The following EAF2 variants were observed in gnomAD, a reference collection of about 807,000 sequenced individuals.
EAF2 encodes ELL associated factor 2, also known as ELL-associated factor 2.
Under a neutral mutation model 29.4 loss-of-function variants are expected in EAF2, and 29 were observed. The ratio of observed to expected loss-of-function variants is 0.99; its 90% confidence interval spans 0.73 to 1.35. EAF2 has a LOEUF of 1.35. EAF2 is among the 40% of genes most tolerant of loss of function. The probability of loss-of-function intolerance (pLI) is 0.00; values close to 1 mark genes in which losing one functional copy is unlikely to be tolerated. For missense variants in EAF2, 292 were observed against 312.0 expected (o/e 0.94, Z 0.48); for synonymous variants, 103 against 102.5 (o/e 1.00, Z -0.03).
intron 5 of EAF2, among the ~76,000 whole-genome samples, chr3:121,880,455 GGTGTGTGTGTGTGTGTGTGTGT>G (rs58834177): frequency 4.9e-5 from 7 of 142,962 alleles, no homozygotes; most frequent in African/African-American, 8.0e-5. Context: ...AGTGTTTTGG[GGTGTGTGTGTGTGTGTGTGTGT>G]GTGTGTGTGT....
Position 121,882,871 on chromosome 3 carries a change from T to A in EAF2, c.737-3471T>A, listed in dbSNP as rs1179968930. ...GTTTCCTAATGAAATAAACCATCTCTGACCATTACTGCAATCATCCCATTG... is the reference window on the plus strand; with the variant it reads ...GTTTCCTAATGAAATAAACCATCTCAGACCATTACTGCAATCATCCCATTG... On this transcript the variant is annotated intron_variant, in intron 5 of 5. Transcript: ENST00000273668. Among the ~76,000 whole-genome samples the A allele has an allele frequency of 2.0e-5, 3 of 151,782 alleles. No individual in the cohort carries two copies. The East Asian group carries it at 5.8e-4, about 29-fold the overall frequency.
At chr3:121,862,709 C>T (rs866722064) in intron 4 of EAF2, among the ~76,000 whole-genome samples, 1 of 152,200 alleles carries the variant, frequency 6.6e-6, no homozygotes, top group African/African-American at 2.4e-5. Flanking sequence ...CAGCTTTATT[C>T]CATTGCTGGC....
intron 4 of EAF2, among the ~76,000 whole-genome samples, chr3:121,858,552 A>G (rs1268525590): frequency 3.9e-5 from 6 of 152,054 alleles, no homozygotes. Context: ...TAAGTTCTTC[A>G]TAGATTCTGG....
chr3:121,849,547 T>C (rs568392930), intron 2 of EAF2, among the ~76,000 whole-genome samples: 40 of 152,318 alleles, frequency 2.6e-4, no homozygotes, highest in African/African-American at 9.6e-4. Flanking sequence ...CTGTGGGCTT[T>C]TATGAAATAG....
At chr3:121,862,997 G>T (rs928240093) in intron 4 of EAF2, among the ~76,000 whole-genome samples, 1 of 152,166 alleles carries the variant, frequency 6.6e-6, no homozygotes, top group Non-Finnish European at 1.5e-5. Context: ...ACCAGCGGAG[G>T]CTGCAGAGTA....
Position 121,835,381 on chromosome 3 carries a change from C to T in EAF2, c.96C>T (p.His32=). 1 of 1,613,972 alleles carries T rather than the reference C, an allele frequency of 6.2e-7. No homozygotes were observed. The highest frequency in any genetic ancestry group is 8.5e-7 in the Non-Finnish European group (1 of 1,179,886). The change falls in exon 1 of 6, where the codon CAC becomes CAT. Residue 32 remains histidine (H), a synonymous_variant. Coordinates refer to ENST00000273668, the MANE Select transcript of EAF2 (RefSeq NM_018456.6). The part of the protein sequence containing the change: ...SFEKQPRCAF[H]TVRYDFKPAS... The stretch of plus-strand genomic sequence containing the variant: ...AGAAGCAGCCGCGCTGCGCCTTCCA[C>T]ACTGTGCGCTGTGAGTGAGGACCAT...
intron 4 of EAF2, among the ~76,000 whole-genome samples, chr3:121,859,906 C>A (rs1011570740): frequency 2.0e-5 from 3 of 152,106 alleles, no homozygotes; most frequent in Non-Finnish European, 4.4e-5. Flanking sequence ...TGTCGAAGGC[C>A]TTTTCTGCAT....
At chr3:121,864,758 A>G (rs1015789430) in intron 4 of EAF2, among the ~76,000 whole-genome samples, 1 of 152,092 alleles carries the variant, frequency 6.6e-6, no homozygotes, top group African/African-American at 2.4e-5. Flanking sequence ...TCAAGCCTGC[A>G]GTGAGTCATG....
At chr3:121,874,276 G>C (rs1328960928) in intron 5 of EAF2, among the ~76,000 whole-genome samples, 1 of 151,850 alleles carries the variant, frequency 6.6e-6, no homozygotes, top group African/African-American at 2.4e-5. Context: ...CTGAGAGGCA[G>C]AGAATTGGTA....
chr3:121,849,212 C>A (rs1708584889), intron 2 of EAF2, among the ~76,000 whole-genome samples: 1 of 152,056 alleles, frequency 6.6e-6, no homozygotes, highest in Admixed American at 6.6e-5. Context: ...TAGAGTCAGA[C>A]CATAAAATAG....
At chr3:121,872,839 G>C (rs1301996442) in intron 5 of EAF2, 51 bp downstream of exon 5, 3 of 1,571,248 alleles carry the variant, frequency 1.9e-6, no homozygotes, top group Admixed American at 1.9e-5. Context: ...TTATAGTGGA[G>C]CCATATTGAT....
intron 1 of EAF2, among the ~76,000 whole-genome samples, chr3:121,837,114 C>T (rs941503593): frequency 6.6e-6 from 1 of 152,188 alleles, no homozygotes; most frequent in African/African-American, 2.4e-5. Context: ...TGTTTGAATA[C>T]ACACTTAGTC....
chr3:121,866,905 G>A (rs999143666), intron 4 of EAF2, among the ~76,000 whole-genome samples: 4 of 152,024 alleles, frequency 2.6e-5, no homozygotes, highest in South Asian at 2.1e-4. Flanking sequence ...CACGAATATC[G>A]TTCAGTTATA....
rs1168560866 is a variant in EAF2, at chr3:121,844,470, T to A, written c.124T>A (p.Ser42Thr). The A allele has an allele frequency of 6.2e-7, 1 of 1,608,600 alleles. No homozygotes were observed. Among genetic ancestry groups the A allele is most frequent in the African/African-American group, 1.3e-5 (1 of 74,702 alleles). Residue 42 changes from serine (S) to threonine (T), a missense_variant, in exon 2 of 6, where the codon TCT becomes ACT. By Grantham distance (58) the Ser-to-Thr change is moderately conservative. Transcript: ENST00000273668. ...HTVRYDFKPA[S>T]IDTSSEGYLE... ...ATTTTTAGATGACTTCAAACCTGCT[T>A]CTATTGACACTTCTTCTGAAGGATA...
At chr3:121,864,316 G>C (rs562697690) in intron 4 of EAF2, among the ~76,000 whole-genome samples, 3 of 152,146 alleles carry the variant, frequency 2.0e-5, no homozygotes, top group Non-Finnish European at 2.9e-5. Flanking sequence ...TTCTCTAATC[G>C]ATTAGTAGCT....
At position 121,843,062 on chromosome 3, in the gene EAF2, A is replaced by G. The variant is rs115361024; in HGVS notation, c.107-1391A>G. Among the ~76,000 whole-genome samples the G allele has an allele frequency of 4.0e-3, 604 of 152,350 alleles. 5 individuals carry two copies. The highest frequency in any genetic ancestry group is 0.013 in the African/African-American group (539 of 41,584). ...TCAATTTTTAATTAAAGCAGCATGA[A>G]GAATATATTATAAAAATACTTTCTG... On this transcript the variant is annotated intron_variant, in intron 1 of 5. Coordinates refer to ENST00000273668, the MANE Select transcript of EAF2 (RefSeq NM_018456.6).
chr3:121,847,863 A>G (rs1372253558), intron 2 of EAF2, among the ~76,000 whole-genome samples: 2 of 152,138 alleles, frequency 1.3e-5, no homozygotes, highest in African/African-American at 4.8e-5. Context: ...GGTGACCTTT[A>G]TTAGTCCATC....
chr3:121,835,806 A>G (rs1210422066), intron 1 of EAF2, among the ~76,000 whole-genome samples: 1 of 152,074 alleles, frequency 6.6e-6, no homozygotes, highest in African/African-American at 2.4e-5. Flanking sequence ...TCTTTTCATC[A>G]CTTTTTCTCA....
At chr3:121,872,835 T>G (rs777451752) in intron 5 of EAF2, 47 bp downstream of exon 5, 5 of 1,574,030 alleles carry the variant, frequency 3.2e-6, no homozygotes. Flanking sequence ...GAATTTATAG[T>G]GGAGCCATAT....
Sources: gnomAD v4.1 joint callset for allele counts (sites outside exome capture counted in the v4.1 genomes callset) on GRCh38, gnomAD v4.1.1 for gene constraint, MANE v1.5 for transcripts, NCBI Gene and HGNC (gene_info 2026-07-23, HGNC 2026-07-21) for gene names.